The following ST3GAL3 variants were observed in gnomAD, a reference collection of about 807,000 sequenced individuals.
ST3GAL3 encodes CMP-N-acetylneuraminate-beta-1,4-galactoside alpha-2,3-sialyltransferase.
In ST3GAL3, 21 loss-of-function variants were observed where a neutral mutation model predicts 50.1. That is an observed-to-expected ratio of 0.42 (90% CI 0.30 to 0.60). ST3GAL3 has a LOEUF of 0.60. Among genes scored for constraint, ST3GAL3 ranks in the 20% least tolerant of loss-of-function variants. The pLI is 0.19. For synonymous variants in ST3GAL3, 183 were observed against 190.0 expected, an observed-to-expected ratio of 0.96 and a Z score of 0.30; for missense variants, 353 against 489.4, an observed-to-expected ratio of 0.72 and a Z score of 2.63.
At chr1:43,735,022 C>T (rs1246431363) in intron 1 of ST3GAL3, among the ~76,000 whole-genome samples, 1 of 152,014 alleles carries the variant, frequency 6.6e-6, no homozygotes, top group Non-Finnish European at 1.5e-5. Flanking sequence ...AGAAACAAGG[C>T]AGCATTCAAT....
intron 5 of ST3GAL3, among the ~76,000 whole-genome samples, chr1:43,857,636 C>CTTCCTTCCTTCCTTCCTTCCT: frequency 6.8e-6 from 1 of 147,062 alleles, no homozygotes; most frequent in Non-Finnish European, 1.5e-5. Flanking sequence ...TCCTTCCTTC[C>CTTCCTTCCTTCCTTCCTTCCT]TCGGAGTCTT....
chr1:43,744,790 G>T (rs113404583), intron 2 of ST3GAL3, among the ~76,000 whole-genome samples: 21 of 151,330 alleles, frequency 1.4e-4, no homozygotes, highest in African/African-American at 4.6e-4. Context: ...ATCACCTGAG[G>T]TCAGGAGTTT....
chr1:43,864,606 A>G (rs936875649), intron 5 of ST3GAL3, among the ~76,000 whole-genome samples: 9 of 152,224 alleles, frequency 5.9e-5, no homozygotes, highest in Admixed American at 6.5e-5. Flanking sequence ...CCAAGGTTTC[A>G]AAGCAGGGAG....
At chr1:43,922,548 C>G (rs898921286) in intron 11 of ST3GAL3, 6 of 152,046 alleles carry the variant, frequency 3.9e-5, no homozygotes, top group African/African-American at 1.5e-4. Context: ...CGCCTGTAAT[C>G]CCCGCACTTT....
At chr1:43,710,635 C>T (rs72884942) in intron 1 of ST3GAL3, among the ~76,000 whole-genome samples, 2,137 of 152,342 alleles carry the variant, frequency 0.014, 58 homozygotes, top group African/African-American at 0.05. Flanking sequence ...TTATATTTTC[C>T]AGGTCAATGG....
intron 2 of ST3GAL3, 76 bp from the exon 3 acceptor site, chr1:43,792,026 T>A: frequency 1.3e-6 from 2 of 1,567,860 alleles, no homozygotes; most frequent in East Asian, 2.2e-5. Context: ...GAGGGAGGGT[T>A]TGGGCAGAGC....
At chr1:43,776,137 C>G (rs1299253782) in intron 2 of ST3GAL3, among the ~76,000 whole-genome samples, 3 of 152,212 alleles carry the variant, frequency 2.0e-5, no homozygotes, top group African/African-American at 7.2e-5. Context: ...CAATTACAAA[C>G]ATCACCACAA....
chr1:43,887,801 T>C (rs1008580702), intron 5 of ST3GAL3, among the ~76,000 whole-genome samples: 8 of 149,202 alleles, frequency 5.4e-5, no homozygotes, highest in African/African-American at 2.1e-4. Context: ...GGGAAAGTTA[T>C]GGTGCTGGCT....
At chr1:43,776,722 C>T (rs1697383297) in intron 2 of ST3GAL3, among the ~76,000 whole-genome samples, 1 of 152,128 alleles carries the variant, frequency 6.6e-6, no homozygotes, top group African/African-American at 2.4e-5. Flanking sequence ...CCTCCCTGTG[C>T]CCTCCATTCT....
chr1:43,841,695 T>C (rs2065404066), intron 5 of ST3GAL3: 1 of 152,248 alleles, frequency 6.6e-6, no homozygotes, highest in South Asian at 2.1e-4. Context: ...TTTGAGGCTT[T>C]TTCCCTATTG....
chr1:43,802,597 T>TC (rs1346129384), intron 3 of ST3GAL3, among the ~76,000 whole-genome samples: 3 of 152,222 alleles, frequency 2.0e-5, no homozygotes, highest in African/African-American at 4.8e-5. Flanking sequence ...GGAGCTGTGC[T>TC]CCCCTGGGAG....
chr1:43,749,593 A>G (rs1312980954), intron 2 of ST3GAL3, among the ~76,000 whole-genome samples: 1 of 152,190 alleles, frequency 6.6e-6, no homozygotes, highest in Non-Finnish European at 1.5e-5. Context: ...AAAAAAATGA[A>G]CAACAAAAAG....
intron 5 of ST3GAL3, among the ~76,000 whole-genome samples, chr1:43,888,723 AT>A (rs1213360542): frequency 6.6e-6 from 1 of 152,052 alleles, no homozygotes; most frequent in Admixed American, 6.5e-5. Context: ...GTGAAATACT[AT>A]TTTTTTTCTA....
At chr1:43,759,677 C>T (rs7554860) in intron 2 of ST3GAL3, among the ~76,000 whole-genome samples, 179 of 152,274 alleles carry the variant, frequency 1.2e-3, no homozygotes, top group African/African-American at 3.7e-3. Flanking sequence ...TGCTACAAAG[C>T]GATGGCAGGT....
chr1:43,743,553 T>C, intron 2 of ST3GAL3: 1 of 412,840 alleles, frequency 2.4e-6, no homozygotes, highest in South Asian at 1.8e-5. Flanking sequence ...CACCATTTAG[T>C]AAACTAATGA....
At chr1:43,726,489 G>A (rs754277430) in intron 1 of ST3GAL3, among the ~76,000 whole-genome samples, 9 of 152,234 alleles carry the variant, frequency 5.9e-5, no homozygotes, top group Admixed American at 2.0e-4. Flanking sequence ...ATTTTGCTGT[G>A]TTGCCCAGGC....
intron 2 of ST3GAL3, among the ~76,000 whole-genome samples, chr1:43,739,947 G>A (rs1236937652): frequency 2.0e-5 from 3 of 152,074 alleles, no homozygotes; most frequent in Admixed American, 6.6e-5. Flanking sequence ...CATGTAGTAT[G>A]ATAAAATATG....
chr1:43,808,728 G>T (rs191920268), intron 3 of ST3GAL3, among the ~76,000 whole-genome samples: 5 of 152,296 alleles, frequency 3.3e-5, no homozygotes, highest in Non-Finnish European at 7.4e-5. Flanking sequence ...CAGAGAGAGA[G>T]CTCAGGGGAT....
At chr1:43,780,928 T>C (rs1699166555) in intron 2 of ST3GAL3, among the ~76,000 whole-genome samples, 1 of 152,090 alleles carries the variant, frequency 6.6e-6, no homozygotes, top group Non-Finnish European at 1.5e-5. Context: ...CCTCAAACAA[T>C]CTTGGCTGTC....
Sources: gnomAD v4.1 joint callset for allele counts (sites outside exome capture counted in the v4.1 genomes callset) on GRCh38, gnomAD v4.1.1 for gene constraint, MANE v1.5 for transcripts, NCBI Gene and HGNC (gene_info 2026-07-23, HGNC 2026-07-21) for gene names.